The following TNFAIP1 variants were observed in gnomAD, a reference collection of about 807,000 sequenced individuals.
TNFAIP1 encodes TNF alpha induced protein 1.
Under a neutral mutation model 32.6 loss-of-function variants are expected in TNFAIP1, and 20 were observed. The observed-to-expected ratio is 0.61, with a 90% CI of 0.43 to 0.89. TNFAIP1 has a LOEUF of 0.89. Among genes scored for constraint, TNFAIP1 ranks in the 40% least tolerant of loss-of-function variants. The pLI is 0.00. For missense variants in TNFAIP1, 319 were observed against 425.1 expected (o/e 0.75, Z 2.20); for synonymous variants, 166 against 166.8 (o/e 1.00, Z 0.04).
chr17:28,344,953 G>C lies in TNFAIP1; in HGVS notation c.*353G>C. On this transcript the variant is annotated 3_prime_UTR_variant, in exon 7 of 7. Transcript: ENST00000226225. ...CCCCTTAGGCCTCAGCTGGGGGAAAGGCAGTTCTGGTGCTGTAGAGGCCCT... is the reference window on the plus strand; with the variant it reads ...CCCCTTAGGCCTCAGCTGGGGGAAACGCAGTTCTGGTGCTGTAGAGGCCCT... 3.3e-6 allele frequency: 1 copy of C among 303,932 alleles called. No homozygotes were observed. The highest frequency in any genetic ancestry group is 6.3e-6 in the Non-Finnish European group (1 of 158,594). The allele number at this position is 303,932 out of a possible 1,614,324, so 18.8% of individuals were successfully genotyped here.
intron 1 of TNFAIP1, among the ~76,000 whole-genome samples, chr17:28,336,224 G>T (rs1209729001): frequency 6.6e-6 from 1 of 152,146 alleles, no homozygotes; most frequent in Non-Finnish European, 1.5e-5. Context: ...CACCTCCGCG[G>T]CTGTTTGCCC....
At chr17:28,337,885 G>A (rs972998623) in intron 1 of TNFAIP1, among the ~76,000 whole-genome samples, 21 of 152,108 alleles carry the variant, frequency 1.4e-4, no homozygotes, top group African/African-American at 4.6e-4. Flanking sequence ...TTAAGTCCTT[G>A]TTGCTAGTCT....
intron 6 of TNFAIP1, among the ~76,000 whole-genome samples, chr17:28,343,743 C>G (rs1230575973): frequency 1.3e-5 from 2 of 152,060 alleles, no homozygotes; most frequent in Non-Finnish European, 2.9e-5. Context: ...CCCCATGTGA[C>G]AGATGAGTGA....
Position 28,344,369 on chromosome 17 carries a change from A to AT in TNFAIP1, c.722dup (p.Glu243ArgfsTer6). 1.2e-6 allele frequency: 2 copies of AT among 1,613,008 alleles called. No homozygotes were observed. The highest frequency in any genetic ancestry group is 1.7e-6 in the Non-Finnish European group (2 of 1,179,442). ...TTCTTCCTCCCTAACCCCAGGTGGA[A>AT]TTCCCAGAGGCCCGAATCTATGAGG... On this transcript the variant is annotated frameshift_variant, in exon 7 of 7. Coordinates refer to ENST00000226225, the MANE Select transcript of TNFAIP1 (RefSeq NM_021137.5). LOFTEE classifies it high-confidence loss of function.
At chr17:28,343,361 G>T (rs1411061440) in intron 6 of TNFAIP1, among the ~76,000 whole-genome samples, 3 of 152,078 alleles carry the variant, frequency 2.0e-5, no homozygotes, top group African/African-American at 7.2e-5. Flanking sequence ...CGCTGGGGTG[G>T]ATGGCAGGTC....
intron 6 of TNFAIP1, among the ~76,000 whole-genome samples, chr17:28,343,626 G>A (rs562278495): frequency 5.7e-4 from 86 of 152,108 alleles, no homozygotes; most frequent in South Asian, 3.7e-3. Context: ...GTGATGCTGC[G>A]ACGGAAGTGG....
At position 28,340,208 on chromosome 17, in the gene TNFAIP1, C is replaced by A. The variant is rs546484287; in HGVS notation, c.206-101C>A. ...TGCGTAAGGGCTTTGTGCTCGTGGACCCCCTTCCCTGCCACCTGCCGCCAG... is the reference window on the plus strand; with the variant it reads ...TGCGTAAGGGCTTTGTGCTCGTGGAACCCCTTCCCTGCCACCTGCCGCCAG... On this transcript the variant is annotated intron_variant, in intron 2 of 6. Coordinates refer to ENST00000226225, the MANE Select transcript of TNFAIP1 (RefSeq NM_021137.5). This position sits in a 1 kb window ranked among gnomAD's most constrained non-coding sequence, Gnocchi z 4.1. 553 of 1,273,554 alleles carry A rather than the reference C, an allele frequency of 4.3e-4. 1 individual carries two copies. The highest frequency in any genetic ancestry group is 5.8e-4 in the Non-Finnish European group (518 of 894,242). The allele number at this position is 1,273,554 out of a possible 1,614,324, so 78.9% of individuals were successfully genotyped here.
chr17:28,345,500 C>T lies in TNFAIP1; in HGVS notation c.*900C>T, dbSNP rs868976308. ...CTGCTCTTTGTGATTCTCTTGAGTA[C>T]CCTTGGCTTCCAGCCATGCTGTCCT... On this transcript the variant is annotated 3_prime_UTR_variant, in exon 7 of 7. Transcript: ENST00000226225. 6 of 152,418 alleles carry T rather than the reference C, an allele frequency of 3.9e-5. No individual in the cohort carries two copies. Among genetic ancestry groups the T allele is most frequent in the South Asian group, 2.1e-4 (1 of 4,832 alleles). The allele number at this position is 152,418 out of a possible 1,614,324, so 9.4% of individuals were successfully genotyped here.
In TNFAIP1 at chr17:28,340,504, G is replaced by A. The variant is rs202020727; in HGVS notation, c.375+26G>A. On this transcript the variant is annotated intron_variant, in intron 3 of 6. Coordinates refer to ENST00000226225, the MANE Select transcript of TNFAIP1 (RefSeq NM_021137.5). The surrounding 1 kb of genome is among the most constrained non-coding windows in gnomAD (Gnocchi z 4.1). ...GTACATGGGTGGGGCGGAGCAGGGC[G>A]GGCAGATGAGGTCAGGAGTTGCCCC... is the stretch of plus-strand genomic sequence containing the variant. 3.3e-5 allele frequency: 53 copies of A among 1,610,904 alleles called. No homozygotes were observed. Among genetic ancestry groups the A allele is most frequent in the Admixed American group, 1.0e-4 (6 of 59,892 alleles).
Position 28,345,917 on chromosome 17 carries a change from C to G in TNFAIP1, c.*1317C>G, listed in dbSNP as rs1171721055. The G allele has an allele frequency of 1.3e-5, 2 of 152,150 alleles. No individual in the cohort carries two copies. Among genetic ancestry groups the G allele is most frequent in the African/African-American group, 4.8e-5 (2 of 41,406 alleles). The allele number at this position is 152,150 out of a possible 1,614,324, so 9.4% of individuals were successfully genotyped here. A position where few individuals can be genotyped will look rare whatever the true frequency, so the allele number is the denominator to read the frequency against. ...TCCTTTTTGTTTGGCTTGGCCAAAC[C>G]AGAATTCAGCTTATCTGAATTATTT... On this transcript the variant is annotated 3_prime_UTR_variant, in exon 7 of 7. Transcript: ENST00000226225.
rs2142384342 is a variant in TNFAIP1 at position 28,340,994 on chromosome 17, C to T, written c.376-243C>T. 2.0e-5 allele frequency among the ~76,000 whole-genome samples: 3 copies of T among 152,312 alleles called. 1 individual carries two copies. In the Middle Eastern group the frequency reaches 0.01, roughly 518 times the overall value. ...TGCTGGGCTCAAGTGATCTGCCTGC[C>T]TCAGCCTCCCAAAGTGCTGGGATTG... On this transcript the variant is annotated intron_variant, in intron 3 of 6. Coordinates refer to ENST00000226225, the MANE Select transcript of TNFAIP1 (RefSeq NM_021137.5). This position sits in a 1 kb window ranked among gnomAD's most constrained non-coding sequence, Gnocchi z 4.1.
chr17:28,340,316 C>T lies in TNFAIP1; in HGVS notation c.213C>T (p.Ile71=), dbSNP rs782740591. Residue 71 remains isoleucine (I), a synonymous_variant, in exon 3 of 7, where the codon ATC becomes ATT. Coordinates refer to ENST00000226225, the MANE Select transcript of TNFAIP1 (RefSeq NM_021137.5). The surrounding 1 kb of genome is among the most constrained non-coding windows in gnomAD (Gnocchi z 4.1). ...MEVLTDKEGW[I]LIDRCGKHFG... ...GGCCTTCTGCACCCCTAGGCTGGAT[C>T]CTCATAGACCGTTGTGGAAAGCACT... is the stretch of plus-strand genomic sequence containing the variant. 3 of 1,613,822 alleles carry T rather than the reference C, an allele frequency of 1.9e-6. No homozygotes were observed. The highest frequency in any genetic ancestry group is 2.5e-6 in the Non-Finnish European group (3 of 1,179,834).
In TNFAIP1 at chr17:28,340,424, A is replaced by T; in HGVS notation, c.321A>T (p.Glu107Asp). ...AAGAAATCAAGGAATTGATGGCTGAAGCAAAGTATTACCTCATCCAGGGGC... is the reference window on the plus strand; with the variant it reads ...AAGAAATCAAGGAATTGATGGCTGATGCAAAGTATTACCTCATCCAGGGGC... ...NRQEIKELMA[E>D]AKYYLIQGLV... Residue 107 changes from glutamate (E) to aspartate (D), a missense_variant, in exon 3 of 7, where the codon GAA becomes GAT. Glu to Asp is a conservative substitution (Grantham distance 45, BLOSUM62 2). Coordinates refer to ENST00000226225, the MANE Select transcript of TNFAIP1 (RefSeq NM_021137.5). The surrounding 1 kb of genome is among the most constrained non-coding windows in gnomAD (Gnocchi z 4.1). The T allele has an allele frequency of 6.2e-7, 1 of 1,614,004 alleles. No individual in the cohort carries two copies. Among genetic ancestry groups the T allele is most frequent in the South Asian group, 1.1e-5 (1 of 91,068 alleles).
rs1555577965 is a variant in TNFAIP1 at position 28,340,286 on chromosome 17, T to C, written c.206-23T>C. On this transcript the variant is annotated intron_variant, in intron 2 of 6. Coordinates refer to ENST00000226225, the MANE Select transcript of TNFAIP1 (RefSeq NM_021137.5). This position sits in a 1 kb window ranked among gnomAD's most constrained non-coding sequence, Gnocchi z 4.1. ...GAGGTACCTGGCGGCAAACTAACCC[T>C]GTAGGGCCTTCTGCACCCCTAGGCT... 1.9e-6 allele frequency: 3 copies of C among 1,611,944 alleles called. No homozygotes were observed. The highest frequency in any genetic ancestry group is 1.1e-5 in the South Asian group (1 of 90,884).
chr17:28,344,870 T>C lies in TNFAIP1; in HGVS notation c.*270T>C. ...AGCTGCTTCTGCTCCCTGGGGCATA[T>C]GGACTGACCCACCTCCTGCTGAGAA... On this transcript the variant is annotated 3_prime_UTR_variant, in exon 7 of 7. Coordinates refer to ENST00000226225, the MANE Select transcript of TNFAIP1 (RefSeq NM_021137.5). 1 of 515,840 alleles carries C rather than the reference T, an allele frequency of 1.9e-6. No homozygotes were observed. The highest frequency in any genetic ancestry group is 3.5e-6 in the Non-Finnish European group (1 of 282,976). 32.0% of individuals were successfully genotyped at this position (515,840 alleles called of 1,614,324 possible). A position where few individuals can be genotyped will look rare whatever the true frequency, so the allele number is the denominator to read the frequency against.
chr17:28,344,465 T>C lies in TNFAIP1; in HGVS notation c.816T>C (p.Arg272=). The change falls in exon 7 of 7, where the codon CGT becomes CGC. Residue 272 remains arginine, a synonymous_variant. Coordinates refer to ENST00000226225, the MANE Select transcript of TNFAIP1 (RefSeq NM_021137.5). The part of the protein sequence containing the change: ...PDNSLLEATS[R]SRSQASPSED... ...ACTCCTTGTTGGAGGCCACAAGCCGTAGCCGCAGCCAGGCTTCCCCCAGTG... is the reference window on the plus strand; with the variant it reads ...ACTCCTTGTTGGAGGCCACAAGCCGCAGCCGCAGCCAGGCTTCCCCCAGTG... 1 of 1,614,046 alleles carries C rather than the reference T, an allele frequency of 6.2e-7. No homozygotes were observed. Among genetic ancestry groups the C allele is most frequent in the East Asian group, 2.2e-5 (1 of 44,880 alleles).
rs1159381023 is a variant in TNFAIP1, at chr17:28,339,629, C to A, written c.108C>A (p.Gly36=). Residue 36 remains glycine (G), a synonymous_variant, in exon 2 of 7, where the codon GGC becomes GGA. Transcript: ENST00000226225. The part of the protein sequence containing the change: ...GNKYVQLNVG[G]SLYYTTVRAL... The stretch of plus-strand genomic sequence containing the variant: ...AGTATGTCCAGCTCAACGTGGGCGG[C>A]TCTCTGTACTACACCACTGTGCGGG... The A allele has an allele frequency of 6.2e-7, 1 of 1,613,936 alleles. No individual in the cohort carries two copies. Among genetic ancestry groups the A allele is most frequent in the Non-Finnish European group, 8.5e-7 (1 of 1,180,016 alleles).
intron 6 of TNFAIP1, among the ~76,000 whole-genome samples, chr17:28,343,622 C>G (rs1322944461): frequency 1.3e-5 from 2 of 151,964 alleles, no homozygotes; most frequent in African/African-American, 4.8e-5. Context: ...GCTGGTGATG[C>G]TGCGACGGAA....
chr17:28,339,756 G>A lies in TNFAIP1; in HGVS notation c.205+30G>A, dbSNP rs1178021751. 14 of 1,605,826 alleles carry A rather than the reference G, an allele frequency of 8.7e-6. No individual in the cohort carries two copies. Among genetic ancestry groups the A allele is most frequent in the African/African-American group, 2.7e-5 (2 of 74,768 alleles). ...GGCACTGGGGCTGCCGCTCGGGGTGGGGAGGGCAGGAGGAGTTCCCAAGGA... is the reference window on the plus strand; with the variant it reads ...GGCACTGGGGCTGCCGCTCGGGGTGAGGAGGGCAGGAGGAGTTCCCAAGGA... On this transcript the variant is annotated intron_variant, in intron 2 of 6. Transcript: ENST00000226225.
Sources: gnomAD v4.1 joint callset for allele counts (sites outside exome capture counted in the v4.1 genomes callset) on GRCh38, gnomAD v4.1.1 for gene constraint, Gnocchi (gnomAD v3.1) non-coding constraint, MANE v1.5 for transcripts, NCBI Gene and HGNC (gene_info 2026-07-23, HGNC 2026-07-21) for gene names.